The following LRRC37A2 variants were observed in gnomAD, a reference collection of about 807,000 sequenced individuals.
LRRC37A2 encodes the protein leucine rich repeat containing 37 member A2.
Under a neutral mutation model 68.8 loss-of-function variants are expected in LRRC37A2, and 9 were observed. The ratio of observed to expected loss-of-function variants is 0.13; its 90% CI spans 0.08 to 0.23. The LOEUF (loss-of-function observed/expected upper bound fraction) is 0.23, where lower values mean the gene tolerates loss of function less well. Among genes scored for constraint, LRRC37A2 ranks in the 10% least tolerant of loss-of-function variants. The pLI, the probability that LRRC37A2 is intolerant of heterozygous loss-of-function variation, is 1.00. For synonymous variants in LRRC37A2, 63 were observed against 367.6 expected, an observed-to-expected ratio of 0.17 and a Z score of 9.48; for missense variants, 168 against 950.4, an observed-to-expected ratio of 0.18 and a Z score of 10.82.
the LRRC37A2 span, among the ~76,000 whole-genome samples, chr17:46,977,443 T>A: frequency 6.6e-6 from 1 of 152,192 alleles, no homozygotes; most frequent in African/African-American, 2.4e-5. Flanking sequence ...TGTCCCCAAC[T>A]TCCAGAAAGC....
chr17:46,991,022 A>T, the LRRC37A2 span, among the ~76,000 whole-genome samples: 1 of 151,956 alleles, frequency 6.6e-6, no homozygotes, highest in African/African-American at 2.4e-5. Flanking sequence ...TTCCACTTCC[A>T]GGAATTTATC....
the LRRC37A2 span, among the ~76,000 whole-genome samples, chr17:46,717,871 G>A: frequency 6.6e-5 from 10 of 152,156 alleles, no homozygotes; most frequent in Admixed American, 2.0e-4. Flanking sequence ...AAAGCTGACC[G>A]AACTGGAGCA....
chr17:46,721,912 T>G, the LRRC37A2 span: 2 of 1,593,954 alleles, frequency 1.3e-6, no homozygotes, highest in Non-Finnish European at 1.7e-6. Context: ...CACTGAACTT[T>G]TTCTCCAATT....
the LRRC37A2 span, among the ~76,000 whole-genome samples, chr17:46,992,174 A>G: frequency 1.2e-3 from 172 of 144,626 alleles, no homozygotes; most frequent in Middle Eastern, 7.9e-3. Context: ...CAGCCTGGCC[A>G]ACATGGCAAA....
At chr17:47,019,344 G>A in the LRRC37A2 span, 62 of 1,610,002 alleles carry the variant, frequency 3.9e-5, no homozygotes, top group African/African-American at 9.5e-5. Context: ...TCAAGCCACC[G>A]TTCAACCTCT....
At chr17:46,725,130 A>G in the LRRC37A2 span, among the ~76,000 whole-genome samples, 8 of 152,202 alleles carry the variant, frequency 5.3e-5, no homozygotes, top group East Asian at 1.5e-3. Flanking sequence ...AATAATATAT[A>G]TACGTAATAT....
chr17:47,029,796 C>T, the LRRC37A2 span, among the ~76,000 whole-genome samples: 71 of 152,198 alleles, frequency 4.7e-4, no homozygotes, highest in African/African-American at 1.2e-3. Context: ...TGGCCGGGAG[C>T]GGTGGCTCAT....
chr17:46,807,407 G>A, the LRRC37A2 span, among the ~76,000 whole-genome samples: 4 of 152,230 alleles, frequency 2.6e-5, no homozygotes, highest in African/African-American at 9.6e-5. Context: ...GCTTGAACCC[G>A]GGAGGCGGAG....
At chr17:46,917,190 T>C in the LRRC37A2 span, 145,210 of 152,226 alleles carry the variant, frequency 0.95, 69,634 homozygotes, top group East Asian at 1. Context: ...CTCAAAAGCC[T>C]GAAGTCCAAA....
chr17:46,944,683 T>G, the LRRC37A2 span, among the ~76,000 whole-genome samples: 3 of 151,776 alleles, frequency 2.0e-5, no homozygotes, highest in African/African-American at 7.3e-5. Flanking sequence ...CACTGCAGCC[T>G]CTGCCTCCTG....
At chr17:46,788,473 C>T in the LRRC37A2 span, among the ~76,000 whole-genome samples, 3 of 152,192 alleles carry the variant, frequency 2.0e-5, no homozygotes, top group African/African-American at 4.8e-5. Flanking sequence ...CAAGACATAG[C>T]CTGCCCAGCC....
the LRRC37A2 span, among the ~76,000 whole-genome samples, chr17:46,685,122 T>C: frequency 2.9e-5 from 4 of 139,884 alleles, no homozygotes; most frequent in Non-Finnish European, 6.1e-5. Context: ...TAACGGACCC[T>C]AATGAGATAC....
the LRRC37A2 span, among the ~76,000 whole-genome samples, chr17:46,748,564 G>A: frequency 6.6e-6 from 1 of 152,172 alleles, no homozygotes; most frequent in East Asian, 1.9e-4. Flanking sequence ...AGCATAGACA[G>A]GGGAATAGAT....
chr17:46,766,248 A>G, the LRRC37A2 span, among the ~76,000 whole-genome samples: 2 of 152,048 alleles, frequency 1.3e-5, no homozygotes, highest in Non-Finnish European at 2.9e-5. Flanking sequence ...TCTCTACTAA[A>G]AATAAAAAAA....
At chr17:46,676,104 A>G in the LRRC37A2 span, among the ~76,000 whole-genome samples, 1 of 133,890 alleles carries the variant, frequency 7.5e-6, no homozygotes, top group African/African-American at 3.0e-5. Context: ...GGTACCTTCA[A>G]AGGGGTTGTG....
At chr17:46,938,269 A>G in the LRRC37A2 span, among the ~76,000 whole-genome samples, 3 of 152,216 alleles carry the variant, frequency 2.0e-5, no homozygotes, top group Non-Finnish European at 2.9e-5. Flanking sequence ...ATTTTTATGT[A>G]TAATGTGAAT....
chr17:46,708,886 G>A, the LRRC37A2 span, among the ~76,000 whole-genome samples: 2 of 138,206 alleles, frequency 1.4e-5, no homozygotes, highest in East Asian at 2.2e-4. Flanking sequence ...GTGCAGTGGC[G>A]CAATTTTGGC....
At chr17:46,948,735 AAGT>A in the LRRC37A2 span, 1 of 152,192 alleles carries the variant, frequency 6.6e-6, no homozygotes, top group African/African-American at 2.4e-5. Context: ...TAAGGAGCTT[AAGT>A]AGTAAGAACT....
the LRRC37A2 span, among the ~76,000 whole-genome samples, chr17:46,938,444 A>C: frequency 2.0e-5 from 3 of 152,192 alleles, no homozygotes; most frequent in Non-Finnish European, 4.4e-5. Flanking sequence ...CGACGACATG[A>C]GAGTGGCTCT....
Sources: allele counts gnomAD v4.1 joint callset (sites outside exome capture counted in the v4.1 genomes callset), GRCh38; gene constraint gnomAD v4.1.1; transcripts MANE v1.5; gene names NCBI Gene and HGNC (gene_info 2026-07-23, HGNC 2026-07-21).